The following ACSM6 variants were observed in gnomAD, a reference collection of about 807,000 sequenced individuals.
ACSM6 encodes the protein acyl-CoA synthetase medium chain family member 6, also known as acyl-coenzyme A synthetase ACSM6, mitochondrial.
ACSM6 carries 35 observed loss-of-function variants against 51.1 expected under a neutral mutation model. That is an observed-to-expected ratio of 0.69 (90% CI 0.52 to 0.91). The LOEUF is 0.91. Ranked by LOEUF, ACSM6 falls within the 40% of genes least tolerant of loss-of-function variation. The pLI, the probability that ACSM6 is intolerant of heterozygous loss-of-function variation, is 0.00. For missense variants in ACSM6, 509 were observed against 584.1 expected, an observed-to-expected ratio of 0.87 and a Z score of 1.32; for synonymous variants, 172 against 207.3, an observed-to-expected ratio of 0.83 and a Z score of 1.46.
chr10:95,203,772 C>T (rs952835694), intron 3 of ACSM6, among the ~76,000 whole-genome samples: 3 of 144,490 alleles, frequency 2.1e-5, no homozygotes, highest in African/African-American at 7.7e-5. Flanking sequence ...GTATGAAAAA[C>T]AAAGTACCCC....
intron 8 of ACSM6, among the ~76,000 whole-genome samples, chr10:95,219,370 A>T (rs7070183): frequency 0.48 from 65,338 of 137,072 alleles, 14,791 homozygotes; most frequent in Middle Eastern, 0.54. Context: ...TAGTATATTT[A>T]AAAAAAAGGC....
At chr10:95,201,991 C>T (rs1455676769) in exon 3 of ACSM6, 2 of 1,551,490 alleles carry the variant, frequency 1.3e-6, no homozygotes, top group Non-Finnish European at 1.7e-6. Context: ...CTAGGACGGA[C>T]TCAGAGGGCC....
chr10:95,215,512 G>T (rs2034935596), intron 8 of ACSM6, among the ~76,000 whole-genome samples: 1 of 152,154 alleles, frequency 6.6e-6, no homozygotes, highest in South Asian at 2.1e-4. Context: ...TTAACATTTT[G>T]CCAAGAAGGT....
chr10:95,212,986 C>A (rs1458506400), intron 7 of ACSM6, 46 bp downstream of exon 7: 3 of 1,494,022 alleles, frequency 2.0e-6, no homozygotes, highest in African/African-American at 2.8e-5. Context: ...ACTCATGGTA[C>A]CATAAATAAA....
rs150665990 is a variant in ACSM6, at chr10:95,205,260, C to T, written c.404-1948C>T. Among the ~76,000 whole-genome samples, 34 of 152,080 alleles carry T rather than the reference C, an allele frequency of 2.2e-4. No homozygotes were observed. In the East Asian group the frequency reaches 5.2e-3, roughly 23 times the overall value. ...CACCACAAAAGAAATTTGAACACTGCCTTAGTCTGCTTGGGTTACTATAGC... is the reference window on the plus strand; with the variant it reads ...CACCACAAAAGAAATTTGAACACTGTCTTAGTCTGCTTGGGTTACTATAGC... On this transcript the variant is annotated intron_variant, in intron 3 of 10. Coordinates refer to ENST00000341686, the Ensembl canonical transcript of ACSM6.
chr10:95,223,790 G>A (rs1269101676), intron 9 of ACSM6, among the ~76,000 whole-genome samples: 1 of 151,836 alleles, frequency 6.6e-6, no homozygotes, highest in Non-Finnish European at 1.5e-5. Flanking sequence ...ACTCTTCATA[G>A]AGGTTCTATC....
At chr10:95,220,132 T>C (rs767881177) in intron 9 of ACSM6, among the ~76,000 whole-genome samples, 161 bp downstream of exon 9, 14 of 152,146 alleles carry the variant, frequency 9.2e-5, no homozygotes, top group Non-Finnish European at 1.9e-4. Context: ...TCCACCTCAA[T>C]ATCCTTTTGG....
chr10:95,211,302 CTT>C (rs2034890787), intron 5 of ACSM6, among the ~76,000 whole-genome samples: 1 of 152,192 alleles, frequency 6.6e-6, no homozygotes, highest in Non-Finnish European at 1.5e-5. Context: ...ATTTCAATCT[CTT>C]TGGTTGAACA....
chr10:95,228,788 C>T (rs1276185876), exon 11 of ACSM6: 2 of 1,550,366 alleles, frequency 1.3e-6, no homozygotes, highest in African/African-American at 2.7e-5. Flanking sequence ...ATTGTGAATG[C>T]TTTGGTTATT....
At position 95,225,137 on chromosome 10, in the gene ACSM6, C is replaced by T. The variant is rs1391726415; in HGVS notation, c.1201-153C>T. On this transcript the variant is annotated intron_variant, in intron 9 of 10. Coordinates refer to ENST00000341686, the Ensembl canonical transcript of ACSM6. Reference sequence around the variant, plus strand: ...CACACTGACGACTGAACCACACTGCCTCTTAGGTTGCCCAGTATCTAAGTA... The same window carrying T: ...CACACTGACGACTGAACCACACTGCTTCTTAGGTTGCCCAGTATCTAAGTA... Among the ~76,000 whole-genome samples, 4 of 152,210 alleles carry T rather than the reference C, an allele frequency of 2.6e-5. No individual in the cohort carries two copies. The East Asian group carries it at 5.8e-4, about 22-fold the overall frequency.
chr10:95,212,079 G>T, intron 6 of ACSM6, 45 bp downstream of exon 6: 1 of 1,609,796 alleles, frequency 6.2e-7, no homozygotes, highest in South Asian at 1.1e-5. Flanking sequence ...AAAGGCCAGA[G>T]AGAGGCATTA....
exon 11 of ACSM6, chr10:95,228,787 G>C: frequency 6.4e-7 from 1 of 1,550,816 alleles, no homozygotes. Context: ...GATTGTGAAT[G>C]CTTTGGTTAT....
At chr10:95,209,914 C>T (rs983830946) in intron 4 of ACSM6, among the ~76,000 whole-genome samples, 17 of 152,086 alleles carry the variant, frequency 1.1e-4, no homozygotes, top group South Asian at 2.1e-4. Context: ...AGGGACAGGA[C>T]TGGGCTGACA....
chr10:95,211,699 T>C (rs1403687447), intron 5 of ACSM6, among the ~76,000 whole-genome samples, 179 bp from the exon 6 acceptor site: 1 of 152,210 alleles, frequency 6.6e-6, no homozygotes, highest in Non-Finnish European at 1.5e-5. Context: ...CAATTAAGAC[T>C]GATACTGAAA....
At chr10:95,202,246 G>A in intron 3 of ACSM6, 51 bp downstream of exon 3, 3 of 1,419,318 alleles carry the variant, frequency 2.1e-6, no homozygotes, top group Non-Finnish European at 2.9e-6. Context: ...GTGAATCCCA[G>A]CCTCAGTTAT....
intron 8 of ACSM6, among the ~76,000 whole-genome samples, chr10:95,217,665 A>G (rs1304986118): frequency 6.6e-6 from 1 of 152,216 alleles, no homozygotes; most frequent in South Asian, 2.1e-4. Flanking sequence ...CGTCCAAAAA[A>G]AATTCTTTGG....
intron 5 of ACSM6, among the ~76,000 whole-genome samples, chr10:95,211,265 C>T (rs1358229456): frequency 6.6e-6 from 1 of 152,194 alleles, no homozygotes; most frequent in Non-Finnish European, 1.5e-5. Flanking sequence ...GGGTATCTCT[C>T]GGCAAATTCA....
intron 9 of ACSM6, among the ~76,000 whole-genome samples, chr10:95,222,621 CAAA>C (rs1196424902): frequency 2.3e-5 from 2 of 85,620 alleles, no homozygotes; most frequent in African/African-American, 4.5e-5. Context: ...AGATCTGTCT[CAAA>C]AAAAAAAAAA....
intron 6 of ACSM6, 91 bp from the exon 7 acceptor site, chr10:95,212,767 C>A: frequency 1.0e-6 from 1 of 989,728 alleles, no homozygotes; most frequent in Non-Finnish European, 1.6e-6. Flanking sequence ...TGACCCTCTT[C>A]CCTGGACTTT....
Sources: allele counts gnomAD v4.1 joint callset (sites outside exome capture counted in the v4.1 genomes callset), GRCh38; gene constraint gnomAD v4.1.1; transcripts MANE v1.5; gene names NCBI Gene and HGNC (gene_info 2026-07-23, HGNC 2026-07-21).